The following GALNTL5 variants were observed in gnomAD, a reference collection of about 807,000 sequenced individuals.
The protein encoded by GALNTL5 is polypeptide N-acetylgalactosaminyltransferase like 5.
In GALNTL5, 44 loss-of-function variants were observed where a neutral mutation model predicts 51.0. The observed-to-expected ratio is 0.86, with a 90% CI of 0.68 to 1.11. The LOEUF (loss-of-function observed/expected upper bound fraction) is 1.11. GALNTL5 is among the 50% of genes least tolerant of loss of function. GALNTL5 has a pLI of 0.00. For missense variants in GALNTL5, 528 were observed against 531.8 expected (o/e 0.99, Z 0.07); for synonymous variants, 192 against 182.8 (o/e 1.05, Z -0.41).
Position 151,964,306 on chromosome 7 carries a change from G to C in GALNTL5, c.-39-2902G>C, listed in dbSNP as rs1586803576. ...GGTGCTTCCACATGTGAGTTGCAGGGGGACACAGTTCCGTTCATTGCAGCA... is the reference window on the plus strand; with the variant it reads ...GGTGCTTCCACATGTGAGTTGCAGGCGGACACAGTTCCGTTCATTGCAGCA... On this transcript the variant is annotated intron_variant, in intron 1 of 8. Coordinates refer to ENST00000392800, the MANE Select transcript of GALNTL5 (RefSeq NM_145292.4). Among the ~76,000 whole-genome samples, 12 of 152,276 alleles carry C rather than the reference G, an allele frequency of 7.9e-5. No individual in the cohort carries two copies. The South Asian group carries it at 2.5e-3, about 32-fold the overall frequency.
At chr7:151,957,679 T>C (rs567374948) in intron 1 of GALNTL5, 2 of 152,332 alleles carry the variant, frequency 1.3e-5, no homozygotes, top group South Asian at 4.1e-4. Context: ...CTCTACAGGA[T>C]TCTTTTGATC....
intron 1 of GALNTL5, 45 bp from the exon 2 acceptor site, chr7:151,967,163 C>A: frequency 7.8e-7 from 1 of 1,276,686 alleles, no homozygotes. Context: ...ATCTACAAAC[C>A]ATTGGAATAT....
rs1359288805 is a variant in GALNTL5, at chr7:152,019,920, T to C, written c.*119T>C. On this transcript the variant is annotated 3_prime_UTR_variant, in exon 9 of 9. Transcript: ENST00000392800. ...ATTACGTGAAATGCAATTAAAAAAATATGACCAGACGTGAGTGCCTTTATT... is the reference window on the plus strand; with the variant it reads ...ATTACGTGAAATGCAATTAAAAAAACATGACCAGACGTGAGTGCCTTTATT... 6 of 847,252 alleles carry C rather than the reference T, an allele frequency of 7.1e-6. No homozygotes were observed. Among genetic ancestry groups the C allele is most frequent in the Non-Finnish European group, 1.1e-5 (6 of 553,222 alleles). 52.5% of individuals were successfully genotyped at this position (847,252 alleles called of 1,614,324 possible). A position where few individuals can be genotyped will look rare whatever the true frequency, so the allele number is the denominator to read the frequency against.
intron 3 of GALNTL5, among the ~76,000 whole-genome samples, chr7:151,981,103 G>A (rs894305382): frequency 1.2e-4 from 18 of 151,984 alleles, no homozygotes; most frequent in African/African-American, 4.4e-4. Flanking sequence ...CCCAGGGATG[G>A]GGCACCTATG....
At chr7:151,979,424 C>T (rs1225698113) in intron 3 of GALNTL5, among the ~76,000 whole-genome samples, 4 of 149,484 alleles carry the variant, frequency 2.7e-5, no homozygotes, top group African/African-American at 9.9e-5. Flanking sequence ...TCCTTTTACT[C>T]TTAAAAACAG....
chr7:151,993,572 C>G (rs919523557), intron 5 of GALNTL5, among the ~76,000 whole-genome samples: 13 of 152,046 alleles, frequency 8.6e-5, no homozygotes, highest in Non-Finnish European at 1.8e-4. Context: ...TTTGAAATTT[C>G]TGTTGTGGCT....
chr7:152,009,994 G>T (rs2081707961), intron 7 of GALNTL5, among the ~76,000 whole-genome samples: 1 of 152,196 alleles, frequency 6.6e-6, no homozygotes, highest in Non-Finnish European at 1.5e-5. Flanking sequence ...GCTGTATGCT[G>T]AGCATTGAGA....
At chr7:151,979,236 A>C (rs1008586932) in intron 3 of GALNTL5, among the ~76,000 whole-genome samples, 5 of 149,102 alleles carry the variant, frequency 3.4e-5, no homozygotes, top group African/African-American at 1.2e-4. Context: ...CAGCCTCCCA[A>C]GTAGCTGGGA....
intron 6 of GALNTL5, among the ~76,000 whole-genome samples, chr7:152,006,915 G>A (rs2081651986): frequency 3.3e-5 from 5 of 151,760 alleles, no homozygotes; most frequent in Admixed American, 2.0e-4. Context: ...TTACAGGCGC[G>A]GGCAACTGCA....
rs757067593 is a variant in GALNTL5, at chr7:151,967,436, C to T, written c.190C>T (p.Pro64Ser). The T allele has an allele frequency of 6.2e-7, 1 of 1,613,756 alleles. No individual in the cohort carries two copies. ...QQIIYGSEQI[P>S]KPHVIVKRTD... ...AATTATCTATGGCTCAGAGCAAATA[C>T]CAAAACCTCATGTAATAGTCAAAAG... The change falls in exon 2 of 9, where the codon CCA becomes TCA. Residue 64 changes from proline (P) to serine (S), a missense_variant. Coordinates refer to ENST00000392800, the MANE Select transcript of GALNTL5 (RefSeq NM_145292.4).
rs751372659 is a variant in GALNTL5 at position 151,987,322 on chromosome 7, C to G, written c.658+41C>G. 5 of 1,523,602 alleles carry G rather than the reference C, an allele frequency of 3.3e-6. No homozygotes were observed. The South Asian group carries it at 6.8e-5, about 21-fold the overall frequency. 94.4% of individuals were successfully genotyped at this position (1,523,602 alleles called of 1,614,324 possible). A position where few individuals can be genotyped will look rare whatever the true frequency, so the allele number is the denominator to read the frequency against. On this transcript the variant is annotated intron_variant, in intron 5 of 8. Coordinates refer to ENST00000392800, the MANE Select transcript of GALNTL5 (RefSeq NM_145292.4). Reference sequence around the variant, plus strand: ...GGGACAAGAGCCAGTGACGGCGTCACAGAGATCTTCCCTTCTGAGCGGGAC... The same window carrying G: ...GGGACAAGAGCCAGTGACGGCGTCAGAGAGATCTTCCCTTCTGAGCGGGAC...
At position 151,979,879 on chromosome 7, in the gene GALNTL5, C is replaced by A. The variant is rs60409908; in HGVS notation, c.369-3107C>A. ...TGTGAGTTTCAGGCTCCTCCACCAA[C>A]ATCAAACTGAAGGGACGCAGTTTAT... On this transcript the variant is annotated intron_variant, in intron 3 of 8. Transcript: ENST00000392800. Among the ~76,000 whole-genome samples, 1,021 of 152,296 alleles carry A rather than the reference C, an allele frequency of 6.7e-3. 11 individuals are homozygous for A. Among genetic ancestry groups the A allele is most frequent in the African/African-American group, 0.024 (986 of 41,552 alleles).
Position 151,983,006 on chromosome 7 carries a change from C to A in GALNTL5, c.389C>A (p.Pro130Gln). ...TGCAGGTGTCTTCAAAAACATTACC[C>A]AGCCCGCCTCCCGACTGCCAGCATT... is the stretch of plus-strand genomic sequence containing the variant. Reference protein sequence around the residue: ...RSKMCLQKHYPARLPTASIVI... With the variant: ...RSKMCLQKHYQARLPTASIVI... The change falls in exon 4 of 9, where the codon CCA becomes CAA. Residue 130 changes from proline (P) to glutamine (Q), a missense_variant. Transcript: ENST00000392800. 6.2e-7 allele frequency: 1 copy of A among 1,614,160 alleles called. No homozygotes were observed. Among genetic ancestry groups the A allele is most frequent in the South Asian group, 1.1e-5 (1 of 91,084 alleles).
At chr7:151,976,818 C>A (rs2081212459) in intron 3 of GALNTL5, among the ~76,000 whole-genome samples, 2 of 152,008 alleles carry the variant, frequency 1.3e-5, no homozygotes, top group African/African-American at 2.4e-5. Flanking sequence ...CAGGCGTGCA[C>A]CACCACACCC....
intron 5 of GALNTL5, among the ~76,000 whole-genome samples, chr7:151,991,834 T>C (rs2081432167): frequency 6.6e-6 from 1 of 152,186 alleles, no homozygotes; most frequent in Admixed American, 6.5e-5. Context: ...GTGTTGAGAT[T>C]TTCACTGGAA....
chr7:151,987,842 G>T (rs901895672), intron 5 of GALNTL5, among the ~76,000 whole-genome samples: 1 of 152,208 alleles, frequency 6.6e-6, no homozygotes. Flanking sequence ...AAGGCTCAGT[G>T]GGCTAGGGGG....
chr7:152,017,318 T>C (rs1563029138), intron 8 of GALNTL5, among the ~76,000 whole-genome samples: 1 of 152,220 alleles, frequency 6.6e-6, no homozygotes. Context: ...AGTATTTGTG[T>C]ATCTAAACAT....
chr7:152,019,613 GAACGT>G (rs1350285856), intron 8 of GALNTL5, 28 bp from the exon 9 acceptor site: 4 of 1,585,708 alleles, frequency 2.5e-6, no homozygotes, highest in South Asian at 1.1e-5. Context: ...TTGTTTGGTT[GAACGT>G]AACGACTGAC....
intron 4 of GALNTL5, among the ~76,000 whole-genome samples, chr7:151,985,014 G>C (rs1217864877): frequency 1.3e-5 from 2 of 152,144 alleles, no homozygotes; most frequent in African/African-American, 4.8e-5. Flanking sequence ...TTAGAGTCCT[G>C]GAGGTTGGAA....
Sources: gnomAD v4.1 joint callset for allele counts (sites outside exome capture counted in the v4.1 genomes callset) on GRCh38, gnomAD v4.1.1 for gene constraint, MANE v1.5 for transcripts, NCBI Gene and HGNC (gene_info 2026-07-23, HGNC 2026-07-21) for gene names.